CHRNG: variants seen among roughly 807,000 people sequenced by gnomAD.
CHRNG encodes acetylcholine receptor subunit gamma.
A neutral mutation model predicts 65.2 loss-of-function variants in CHRNG; 72 were observed. That is an observed-to-expected ratio of 1.10 (90% CI 0.91 to 1.34). The LOEUF (loss-of-function observed/expected upper bound fraction) is 1.34. Ranked by LOEUF, CHRNG falls within the 40% of genes most tolerant of loss-of-function variation. The pLI, the probability that CHRNG is intolerant of heterozygous loss-of-function variation, is 0.00. For missense variants in CHRNG, 637 were observed against 680.1 expected (o/e 0.94, Z 0.70); for synonymous variants, 284 against 290.2 (o/e 0.98, Z 0.22).
rs1692006072 is a variant in CHRNG, at chr2:232,541,118, A to G, written c.351-256A>G. On this transcript the variant is annotated intron_variant, in intron 4 of 11. Transcript: ENST00000651502. This position sits in a 1 kb window ranked among gnomAD's most constrained non-coding sequence, Gnocchi z 4.0. ...GACTATTATTATTATTATTATTATTATGATTAAAACAAGAGAGAGTAAGAT... is the reference window on the plus strand; with the variant it reads ...GACTATTATTATTATTATTATTATTGTGATTAAAACAAGAGAGAGTAAGAT... 6.7e-6 allele frequency among the ~76,000 whole-genome samples: 1 copy of G among 148,676 alleles called. No homozygotes were observed. The highest frequency in any genetic ancestry group is 2.5e-5 in the African/African-American group (1 of 39,314).
chr2:232,543,549 A>T (rs1288872359), intron 8 of CHRNG, 36 bp from the exon 9 acceptor site: 2 of 1,408,190 alleles, frequency 1.4e-6, no homozygotes, highest in Non-Finnish European at 2.0e-6. Context: ...GCATCATGGT[A>T]TGGGCTGCCA....
Position 232,540,670 on chromosome 2 carries a change from G to A in CHRNG, c.309G>A (p.Pro103=), listed in dbSNP as rs148012978. 55 of 1,613,100 alleles carry A rather than the reference G, an allele frequency of 3.4e-5. No individual in the cohort carries two copies. Among genetic ancestry groups the A allele is most frequent in the Middle Eastern group, 1.7e-4 (1 of 5,926 alleles). ...DYEGLWVLRV[P]STMVWRPDIV... ...AAGGCCTGTGGGTGCTGAGGGTGCC[G>A]TCCACCATGGTGTGGCGGCCGGATA... Residue 103 remains proline, a synonymous_variant, in exon 4 of 12, where the codon CCG becomes CCA. Transcript: ENST00000651502. This position sits in a 1 kb window ranked among gnomAD's most constrained non-coding sequence, Gnocchi z 4.2.
chr2:232,544,692 G>A (rs1313076989), intron 10 of CHRNG, 80 bp from the exon 11 acceptor site: 2 of 1,581,122 alleles, frequency 1.3e-6, no homozygotes, highest in African/African-American at 1.3e-5. Context: ...GAGAGGAGCT[G>A]GGGTCCCTAA....
At chr2:232,543,801 C>A in intron 9 of CHRNG, 102 bp downstream of exon 9, 1 of 763,922 alleles carries the variant, frequency 1.3e-6, no homozygotes, top group Non-Finnish European at 2.3e-6. Context: ...CCACAGCACA[C>A]CCATCCTGGG....
intron 5 of CHRNG, 21 bp from the exon 6 acceptor site, chr2:232,542,402 T>C (rs1692036230): frequency 6.3e-7 from 1 of 1,576,020 alleles, no homozygotes; most frequent in African/African-American, 1.3e-5. Context: ...ACATTTAGCC[T>C]CTTTCCTCGG....
chr2:232,540,845 C>T lies in CHRNG; in HGVS notation c.350+134C>T. 1 of 830,740 alleles carries T rather than the reference C, an allele frequency of 1.2e-6. No individual in the cohort carries two copies. Among genetic ancestry groups the T allele is most frequent in the Non-Finnish European group, 1.9e-6 (1 of 514,526 alleles). The allele number at this position is 830,740 out of a possible 1,614,324, so 51.5% of individuals were successfully genotyped here. Reference sequence around the variant, plus strand: ...GGGCACCTGTGGGGCTAGGGAAGAACTGGATGGAGCAGGTGCCGAGGGCAG... The same window carrying T: ...GGGCACCTGTGGGGCTAGGGAAGAATTGGATGGAGCAGGTGCCGAGGGCAG... On this transcript the variant is annotated intron_variant, in intron 4 of 11. Transcript: ENST00000651502. The surrounding 1 kb of genome is among the most constrained non-coding windows in gnomAD (Gnocchi z 4.2).
chr2:232,542,818 G>T, intron 6 of CHRNG, 64 bp from the exon 7 acceptor site: 1 of 1,453,740 alleles, frequency 6.9e-7, no homozygotes, highest in Middle Eastern at 2.0e-4. Flanking sequence ...TGGGTCACTC[G>T]GCTGCAGGGA....
Position 232,540,613 on chromosome 2 carries a change from C to T in CHRNG, c.252C>T (p.Asp84=). 6.2e-7 allele frequency: 1 copy of T among 1,612,098 alleles called. No homozygotes were observed. The highest frequency in any genetic ancestry group is 8.5e-7 in the Non-Finnish European group (1 of 1,179,916). ...TNVWIEMQWC[D]YRLRWDPRDY... ...CCCTCCCCCTGCAGCAGTGGTGCGA[C>T]TATCGCCTGCGCTGGGATCCGCGAG... Residue 84 remains aspartate (D), a synonymous_variant, in exon 4 of 12, where the codon GAC becomes GAT. Transcript: ENST00000651502. The surrounding 1 kb of genome is among the most constrained non-coding windows in gnomAD (Gnocchi z 4.2).
chr2:232,545,048 G>A (rs536372507), intron 11 of CHRNG, 146 bp downstream of exon 11: 2 of 1,058,696 alleles, frequency 1.9e-6, no homozygotes, highest in African/African-American at 3.1e-5. Context: ...TGTAATCCCA[G>A]TACTTTGGGA....
rs1289272144 is a variant in CHRNG, at chr2:232,543,577, C to G, written c.921-8C>G. 6.3e-7 allele frequency: 1 copy of G among 1,585,654 alleles called. No individual in the cohort carries two copies. The highest frequency in any genetic ancestry group is 1.7e-5 in the Admixed American group (1 of 59,884). ...GGCTGCCAGCTCCTGCCCACCCCAC[C>G]CTGACAGGTACCTGACCTTCCTCCT... On this transcript the variant is annotated splice_region_variant and splice_polypyrimidine_tract_variant and intron_variant, in intron 8 of 11. Coordinates refer to ENST00000651502, the MANE Select transcript of CHRNG (RefSeq NM_005199.5).
At position 232,542,407 on chromosome 2, in the gene CHRNG, C is replaced by T; in HGVS notation, c.507-16C>T. 2 of 1,592,236 alleles carry T rather than the reference C, an allele frequency of 1.3e-6. No individual in the cohort carries two copies. The highest frequency in any genetic ancestry group is 1.7e-6 in the Non-Finnish European group (2 of 1,161,000). On this transcript the variant is annotated splice_polypyrimidine_tract_variant and intron_variant, in intron 5 of 11. Coordinates refer to ENST00000651502, the MANE Select transcript of CHRNG (RefSeq NM_005199.5). ...CCACCCGCTCACATTTAGCCTCTTT[C>T]CTCGGTGACTCCCAGGTCCCAGACT...
rs112917468 is a variant in CHRNG, at chr2:232,547,003, C to G, written c.*1287C>G. Among the ~76,000 whole-genome samples, 227 of 152,262 alleles carry G rather than the reference C, an allele frequency of 1.5e-3. 1 individual carries two copies. The highest frequency in any genetic ancestry group is 5.1e-3 in the African/African-American group (212 of 41,550). On this transcript the variant is annotated 3_prime_UTR_variant, in exon 12 of 12. Coordinates refer to ENST00000651502, the MANE Select transcript of CHRNG (RefSeq NM_005199.5). The stretch of plus-strand genomic sequence containing the variant: ...CCTGGGGGAGAGGCAAGGTCCTGCT[C>G]TGAGATTACAGCCGGCACACGAGTT...
In CHRNG at chr2:232,539,722, C is replaced by T. The variant is rs536896768; in HGVS notation, c.-26C>T. ...AGACCTTGGAGCTGTTGTCCCACCC[C>T]TGTCACTGCAGAGAGCTGAGGCACC... is the stretch of plus-strand genomic sequence containing the variant. On this transcript the variant is annotated 5_prime_UTR_variant, in exon 1 of 12. Coordinates refer to ENST00000651502, the MANE Select transcript of CHRNG (RefSeq NM_005199.5). 2.3e-5 allele frequency: 37 copies of T among 1,612,706 alleles called. 1 individual carries two copies. The South Asian group carries it at 3.8e-4, about 17-fold the overall frequency.
rs558357870 is a variant in CHRNG at position 232,543,158 on chromosome 2, G to C, written c.805+76G>C. On this transcript the variant is annotated intron_variant, in intron 7 of 11. Coordinates refer to ENST00000651502, the MANE Select transcript of CHRNG (RefSeq NM_005199.5). ...GGAGGCCGGGGTGGGCCCTGCCTGG[G>C]GAACAGAGTGGCATTACGACCCAGG... 3 of 1,540,074 alleles carry C rather than the reference G, an allele frequency of 1.9e-6. No homozygotes were observed. In the South Asian group the frequency reaches 3.3e-5, roughly 17 times the overall value.
At chr2:232,543,424 ACT>A in intron 8 of CHRNG, 35 bp downstream of exon 8, 1 of 1,484,294 alleles carries the variant, frequency 6.7e-7, no homozygotes, top group Non-Finnish European at 9.4e-7. Flanking sequence ...CGCCTATGCC[ACT>A]CTCCCTTCTT....
chr2:232,541,890 C>T lies in CHRNG; in HGVS notation c.506+361C>T. 2 of 374,814 alleles carry T rather than the reference C, an allele frequency of 5.3e-6. No homozygotes were observed. The highest frequency in any genetic ancestry group is 5.4e-5 in the South Asian group (2 of 37,324). The allele number at this position is 374,814 out of a possible 1,614,324, so 23.2% of individuals were successfully genotyped here. On this transcript the variant is annotated intron_variant, in intron 5 of 11. Transcript: ENST00000651502. The surrounding 1 kb of genome is among the most constrained non-coding windows in gnomAD (Gnocchi z 4.0). ...CAGGCCCACAGGGAGGCAGGGCTGT[C>T]CTGTGAGAGAGGGGCCCTGGCAGGG...
Position 232,546,745 on chromosome 2 carries a change from T to C in CHRNG, c.*1029T>C, listed in dbSNP as rs1002421713. Among the ~76,000 whole-genome samples the C allele has an allele frequency of 4.6e-5, 7 of 152,208 alleles. No homozygotes were observed. The highest frequency in any genetic ancestry group is 2.1e-4 in the South Asian group (1 of 4,820). The stretch of plus-strand genomic sequence containing the variant: ...GAGTAAGCGGGACTCCACACAACAG[T>C]GGTGGTTAAACAAGGTTTGAAGTCC... On this transcript the variant is annotated 3_prime_UTR_variant, in exon 12 of 12. Transcript: ENST00000651502.
chr2:232,540,568 G>A lies in CHRNG; in HGVS notation c.241-34G>A. ...CTCCTAGGGCTGTGGTGCAGCAGAG[G>A]GCAGAGGCCTAGCAACTGCCCCTCC... On this transcript the variant is annotated intron_variant, in intron 3 of 11. Coordinates refer to ENST00000651502, the MANE Select transcript of CHRNG (RefSeq NM_005199.5). The surrounding 1 kb of genome is among the most constrained non-coding windows in gnomAD (Gnocchi z 4.2). 6.2e-7 allele frequency: 1 copy of A among 1,605,708 alleles called. No homozygotes were observed.
At position 232,541,211 on chromosome 2, in the gene CHRNG, G is replaced by C. The variant is rs1179316224; in HGVS notation, c.351-163G>C. Among the ~76,000 whole-genome samples, 1 of 151,578 alleles carries C rather than the reference G, an allele frequency of 6.6e-6. No individual in the cohort carries two copies. Among genetic ancestry groups the C allele is most frequent in the Non-Finnish European group, 1.5e-5 (1 of 67,854 alleles). On this transcript the variant is annotated intron_variant, in intron 4 of 11. Coordinates refer to ENST00000651502, the MANE Select transcript of CHRNG (RefSeq NM_005199.5). This position sits in a 1 kb window ranked among gnomAD's most constrained non-coding sequence, Gnocchi z 4.0. ...GCGGGGGGTGGCAGGAGGATTGCTG[G>C]GGGGACCTAGTGGTCCGGGTGGGAA...
Sources: allele counts gnomAD v4.1 joint callset (sites outside exome capture counted in the v4.1 genomes callset), GRCh38; gene constraint gnomAD v4.1.1; non-coding constraint Gnocchi (gnomAD v3.1); transcripts MANE v1.5; gene names NCBI Gene and HGNC (gene_info 2026-07-23, HGNC 2026-07-21).